Variants in HELZ observed in about 807,000 individuals in gnomAD.
HELZ encodes the protein ATP-dependent RNA helicase with zinc finger domain.
A neutral mutation model predicts 218.2 loss-of-function variants in HELZ; 23 were observed. The ratio of observed to expected loss-of-function variants is 0.11; its 90% CI spans 0.08 to 0.15. HELZ has a LOEUF of 0.15. HELZ is among the 10% of genes least tolerant of loss of function. The pLI is 1.00. For missense variants in HELZ, 1,813 were observed against 2,353.7 expected (o/e 0.77, Z 4.75); for synonymous variants, 814 against 829.4 (o/e 0.98, Z 0.32).
At chr17:67,190,987 C>T (rs1287502762) in intron 9 of HELZ, among the ~76,000 whole-genome samples, 4 of 152,136 alleles carry the variant, frequency 2.6e-5, no homozygotes, top group Non-Finnish European at 5.9e-5. Flanking sequence ...GGATTATAGG[C>T]GTGAGCCACC....
At chr17:67,211,335 A>T (rs774991198) in intron 5 of HELZ, among the ~76,000 whole-genome samples, 1 of 152,190 alleles carries the variant, frequency 6.6e-6, no homozygotes, top group Non-Finnish European at 1.5e-5. Context: ...TATCAATTCT[A>T]TTATGCTAAT....
intron 17 of HELZ, among the ~76,000 whole-genome samples, chr17:67,156,340 T>C (rs1053384355): frequency 4.3e-4 from 66 of 152,110 alleles, no homozygotes; most frequent in Admixed American, 2.8e-3. Flanking sequence ...GTTTCTCCCA[T>C]ATAAAAAGAA....
intron 31 of HELZ, among the ~76,000 whole-genome samples, chr17:67,105,132 C>CA (rs971006339): frequency 1.2e-4 from 18 of 152,108 alleles, no homozygotes; most frequent in African/African-American, 3.4e-4. Flanking sequence ...GACTCCGTGT[C>CA]AAAAAACAAA....
At chr17:67,079,652 G>C (rs1156400625) in intron 32 of HELZ, among the ~76,000 whole-genome samples, 1 of 152,200 alleles carries the variant, frequency 6.6e-6, no homozygotes, top group Non-Finnish European at 1.5e-5. Context: ...GGAAGATGCT[G>C]CCCATGTGTA....
chr17:67,245,854 CG>C (rs1248622749), upstream of HELZ: 1 of 152,226 alleles, frequency 6.6e-6, no homozygotes, highest in Non-Finnish European at 1.5e-5. Flanking sequence ...CTCCTCCGGG[CG>C]GGTAACGTGA....
intron 27 of HELZ, 141 bp from the exon 28 acceptor site, chr17:67,114,544 G>A: frequency 1.9e-6 from 1 of 528,586 alleles, no homozygotes; most frequent in Non-Finnish European, 3.3e-6. Flanking sequence ...CTTGGGTTTT[G>A]TTCTTAAATT....
At chr17:67,088,207 G>C (rs1246541247) in intron 31 of HELZ, among the ~76,000 whole-genome samples, 1 of 152,218 alleles carries the variant, frequency 6.6e-6, no homozygotes, top group Non-Finnish European at 1.5e-5. Flanking sequence ...AATGGGATTG[G>C]TGTTTCATTG....
intron 4 of HELZ, among the ~76,000 whole-genome samples, chr17:67,217,272 G>A (rs991252586): frequency 2.6e-5 from 4 of 152,076 alleles, no homozygotes; most frequent in East Asian, 3.9e-4. Flanking sequence ...AAGTAACTGC[G>A]ACTGCTCCCC....
chr17:67,143,459 A>T (rs540044018), intron 21 of HELZ, among the ~76,000 whole-genome samples: 180 of 151,962 alleles, frequency 1.2e-3, no homozygotes, highest in African/African-American at 3.1e-3. Flanking sequence ...TACATTTTTT[A>T]AAAAAAATTA....
intron 31 of HELZ, among the ~76,000 whole-genome samples, chr17:67,106,331 CAG>C (rs998669589): frequency 4.7e-5 from 7 of 150,178 alleles, no homozygotes; most frequent in Non-Finnish European, 8.8e-5. Flanking sequence ...TTTTTTGAGA[CAG>C]AGTCTTGCTC....
rs1448312039 is a variant in HELZ at position 67,170,789 on chromosome 17, C to T, written c.1431-2993G>A. On this transcript the variant is annotated intron_variant, in intron 13 of 32. Coordinates refer to ENST00000358691, the MANE Select transcript of HELZ (RefSeq NM_014877.4). ...CTGCAATGACCTGAGATAGCGACAC[C>T]GCACTCCAGCCTCAGTGACAGAGTG... Among the ~76,000 whole-genome samples the T allele has an allele frequency of 5.4e-5, 8 of 149,420 alleles. No individual in the cohort carries two copies. The South Asian group carries it at 1.1e-3, about 20-fold the overall frequency.
chr17:67,109,491 G>A lies in HELZ; in HGVS notation c.4114C>T (p.Pro1372Ser). 1 of 1,614,168 alleles carries A rather than the reference G, an allele frequency of 6.2e-7. No individual in the cohort carries two copies. Among genetic ancestry groups the A allele is most frequent in the Non-Finnish European group, 8.5e-7 (1 of 1,180,034 alleles). ...AACAAGGTGTGCTGCTGTGGAATTGGAAAGGGTGGTCTTGGTAGCTGGGGA... is the reference window on the plus strand; with the variant it reads ...AACAAGGTGTGCTGCTGTGGAATTGAAAAGGGTGGTCTTGGTAGCTGGGGA... The part of the protein sequence containing the change: ...PLPQLPRPPF[P>S]IPQQHTLLNQ... The change falls in exon 29 of 33, where the codon CCA becomes TCA. Residue 1372 changes from proline to serine, a missense_variant. Around this residue, in one of 4 missense-constraint regions of HELZ, gnomAD observed 938 missense variants for 1,027.5 expected, o/e 0.91. Coordinates refer to ENST00000358691, the MANE Select transcript of HELZ (RefSeq NM_014877.4).
chr17:67,239,259 C>T (rs1598486984), intron 3 of HELZ, among the ~76,000 whole-genome samples, 174 bp downstream of exon 3: 2 of 152,192 alleles, frequency 1.3e-5, no homozygotes, highest in South Asian at 2.1e-4. Context: ...GCAGTCTCTT[C>T]GGAGCTTGTT....
intron 23 of HELZ, among the ~76,000 whole-genome samples, chr17:67,130,133 T>C (rs1334095004): frequency 6.6e-6 from 1 of 152,168 alleles, no homozygotes; most frequent in Non-Finnish European, 1.5e-5. Context: ...TCCTAGTTTT[T>C]TGAAGATGAG....
At chr17:67,209,812 A>G (rs2040405979) in intron 5 of HELZ, among the ~76,000 whole-genome samples, 1 of 152,206 alleles carries the variant, frequency 6.6e-6, no homozygotes, top group African/African-American at 2.4e-5. Flanking sequence ...ACTAAATAAC[A>G]TATTTCAGAG....
chr17:67,109,096 C>A lies in HELZ; in HGVS notation c.4489+20G>T. Reference sequence around the variant, plus strand: ...TTAAGTAATCTCTGAATTTTCACATCTGGCAGTAATAGAACTTACCTAAAG... The same window carrying A: ...TTAAGTAATCTCTGAATTTTCACATATGGCAGTAATAGAACTTACCTAAAG... On this transcript the variant is annotated intron_variant, in intron 29 of 32. Transcript: ENST00000358691. 1 of 1,537,100 alleles carries A rather than the reference C, an allele frequency of 6.5e-7. No individual in the cohort carries two copies. Among genetic ancestry groups the A allele is most frequent in the Non-Finnish European group, 8.8e-7 (1 of 1,130,292 alleles).
intron 31 of HELZ, among the ~76,000 whole-genome samples, chr17:67,101,047 T>A (rs559057370): frequency 6.6e-6 from 1 of 150,772 alleles, no homozygotes; most frequent in Non-Finnish European, 1.5e-5. Flanking sequence ...GAGGCGGAGC[T>A]TGCAGTGAGC....
chr17:67,095,791 G>GT (rs967745650), intron 31 of HELZ, among the ~76,000 whole-genome samples: 1 of 151,944 alleles, frequency 6.6e-6, no homozygotes, highest in African/African-American at 2.4e-5. Context: ...ACAAGAAAGC[G>GT]TTTTTTAGCA....
chr17:67,224,829 C>A (rs1454504953), intron 3 of HELZ: 2 of 1,036,222 alleles, frequency 1.9e-6, no homozygotes, highest in Non-Finnish European at 3.0e-6. Flanking sequence ...CTCTGTATGC[C>A]CAGGGAAAGC....
Sources: allele counts gnomAD v4.1 joint callset (sites outside exome capture counted in the v4.1 genomes callset), GRCh38; gene constraint gnomAD v4.1.1; regional missense constraint gnomAD v4.1.1; transcripts MANE v1.5; gene names NCBI Gene and HGNC (gene_info 2026-07-23, HGNC 2026-07-21).